SAMD5: variants seen among roughly 807,000 people sequenced by gnomAD.
SAMD5 encodes sterile alpha motif domain-containing protein 5.
SAMD5 carries 13 observed loss-of-function variants against 11.3 expected under a neutral mutation model. The ratio of observed to expected loss-of-function variants is 1.15; its 90% CI spans 0.75 to 1.83. SAMD5 has a LOEUF of 1.83. SAMD5 is among the 40% of genes most tolerant of loss of function. The pLI is 0.00. For synonymous variants in SAMD5, 129 were observed against 111.3 expected, an observed-to-expected ratio of 1.16 and a Z score of -1.00; for missense variants, 255 against 239.1, an observed-to-expected ratio of 1.07 and a Z score of -0.44.
At chr6:147,899,189 A>AAAAAAAAAAAAAAAAAAG in the SAMD5 span, among the ~76,000 whole-genome samples, 137 of 123,372 alleles carry the variant, frequency 1.1e-3, 11 homozygotes, top group African/African-American at 4.7e-3. Flanking sequence ...AAAAAAAAAA[A>AAAAAAAAAAAAAAAAAAG]AAAAGATAAC....
At chr6:147,900,553 T>C in the SAMD5 span, among the ~76,000 whole-genome samples, 1 of 152,206 alleles carries the variant, frequency 6.6e-6, no homozygotes, top group Non-Finnish European at 1.5e-5. Flanking sequence ...AGGAGGCTAA[T>C]GTGTGCTTGG....
At chr6:147,845,392 A>T in the SAMD5 span, among the ~76,000 whole-genome samples, 1 of 152,184 alleles carries the variant, frequency 6.6e-6, no homozygotes, top group Admixed American at 6.5e-5. Flanking sequence ...AGGAAAATTG[A>T]TAAACTGGTC....
At chr6:147,932,588 TTGTGTGTG>T in the SAMD5 span, among the ~76,000 whole-genome samples, 21,914 of 131,058 alleles carry the variant, frequency 0.17, 1,662 homozygotes, top group Admixed American at 0.2. Flanking sequence ...TCTTACAGAA[TTGTGTGTG>T]TGTGTGTGTG....
At chr6:147,804,141 G>A in the SAMD5 span, among the ~76,000 whole-genome samples, 1 of 130,404 alleles carries the variant, frequency 7.7e-6, no homozygotes, top group South Asian at 2.4e-4. Flanking sequence ...ATACAGTCTT[G>A]CTGTCGGCCA....
intron 1 of SAMD5, among the ~76,000 whole-genome samples, chr6:147,676,803 T>C (rs1790869131): frequency 1.5e-5 from 2 of 130,554 alleles, no homozygotes; most frequent in African/African-American, 6.0e-5. Flanking sequence ...GCAAAGCACA[T>C]GTCTAAGGAG....
At chr6:147,542,524 G>C (rs543907929) in intron 1 of SAMD5, among the ~76,000 whole-genome samples, 11 of 152,266 alleles carry the variant, frequency 7.2e-5, no homozygotes, top group African/African-American at 2.2e-4. Flanking sequence ...CTTGGTGGGT[G>C]GGGGGAAGCC....
chr6:147,922,355 C>T, the SAMD5 span, among the ~76,000 whole-genome samples: 5 of 152,256 alleles, frequency 3.3e-5, no homozygotes, highest in African/African-American at 9.6e-5. Context: ...CAGTTAAAAG[C>T]ATTTGCATGC....
At chr6:147,912,141 T>A in the SAMD5 span, among the ~76,000 whole-genome samples, 14 of 151,956 alleles carry the variant, frequency 9.2e-5, no homozygotes, top group Non-Finnish European at 1.5e-4. Context: ...TTTTTTTTTT[T>A]ATGCTGAATG....
chr6:147,538,192 T>C (rs552891521), intron 1 of SAMD5, among the ~76,000 whole-genome samples: 77 of 152,336 alleles, frequency 5.1e-4, no homozygotes, highest in African/African-American at 1.7e-3. Flanking sequence ...TGTTTTAACC[T>C]ATGGAAAAAA....
chr6:147,724,349 T>C (rs1202336861), intron 1 of SAMD5, among the ~76,000 whole-genome samples: 1 of 152,152 alleles, frequency 6.6e-6, no homozygotes, highest in Non-Finnish European at 1.5e-5. Flanking sequence ...AGCTCAGAAA[T>C]TAAATGGCAG....
chr6:147,850,086 T>C, the SAMD5 span, among the ~76,000 whole-genome samples: 3 of 152,222 alleles, frequency 2.0e-5, no homozygotes, highest in Non-Finnish European at 4.4e-5. Context: ...CATTCCTTTA[T>C]TTTTATATAA....
Position 147,711,553 on chromosome 6 carries a change from C to G in SAMD5, c.163-25764C>G, listed in dbSNP as rs879687407. Among the ~76,000 whole-genome samples the G allele has an allele frequency of 6.6e-6, 1 of 152,134 alleles. No homozygotes were observed. Among genetic ancestry groups the G allele is most frequent in the Non-Finnish European group, 1.5e-5 (1 of 68,030 alleles). ...TTTTGTTAATCACTATAAACGGTGG[C>G]TGTAGCAGAGCTGATTCATTTAATT... On this transcript the variant is annotated intron_variant, in intron 1 of 1. Transcript: ENST00000566741. This position sits in a 1 kb window ranked among gnomAD's most constrained non-coding sequence, Gnocchi z 4.1.
chr6:147,704,556 G>GA (rs201402576), intron 1 of SAMD5, among the ~76,000 whole-genome samples: 10 of 150,466 alleles, frequency 6.6e-5, no homozygotes, highest in East Asian at 3.9e-4. Context: ...ATGCAAATCA[G>GA]AAAAAAAAAG....
At chr6:147,705,358 C>T (rs1456051179) in intron 1 of SAMD5, among the ~76,000 whole-genome samples, 1 of 152,070 alleles carries the variant, frequency 6.6e-6, no homozygotes, top group African/African-American at 2.4e-5. Flanking sequence ...CAACTCCTTG[C>T]TTTGATATTA....
the SAMD5 span, among the ~76,000 whole-genome samples, chr6:147,764,407 A>G: frequency 6.6e-6 from 1 of 152,192 alleles, no homozygotes; most frequent in Non-Finnish European, 1.5e-5. Flanking sequence ...AATCTTTCCC[A>G]GAATATCTCA....
chr6:147,858,651 C>A, the SAMD5 span, among the ~76,000 whole-genome samples: 1 of 152,196 alleles, frequency 6.6e-6, no homozygotes, highest in African/African-American at 2.4e-5. Flanking sequence ...AATCACCCAT[C>A]AGCTCTTCTG....
chr6:147,509,364 A>G lies in SAMD5; in HGVS notation c.436A>G (p.Ser146Gly), dbSNP rs1465831886. The G allele has an allele frequency of 2.6e-6, 4 of 1,568,494 alleles. No homozygotes were observed. Among genetic ancestry groups the G allele is most frequent in the Non-Finnish European group, 3.5e-6 (4 of 1,159,032 alleles). Residue 146 changes from serine (S) to glycine (G), a missense_variant, in exon 1 of 2, where the codon AGC becomes GGC. Physicochemically the swap from Ser to Gly is moderately conservative, Grantham distance 56 (BLOSUM62 0). Coordinates refer to ENST00000367474, the MANE Select transcript of SAMD5 (RefSeq NM_001030060.3). The part of the protein sequence containing the change: ...DKLVRDGIHL[S>G]KPPYSRKVPM... ...GCTCGTCCGTGACGGCATCCACCTG[A>G]GCAAGCCCCCGTACTCCCGCAAGGT...
At chr6:147,713,696 T>C (rs1216914907) in intron 1 of SAMD5, among the ~76,000 whole-genome samples, 1 of 152,158 alleles carries the variant, frequency 6.6e-6, no homozygotes, top group Non-Finnish European at 1.5e-5. Flanking sequence ...ACACAGAGTA[T>C]GGGGTAGAAG....
intron 1 of SAMD5, among the ~76,000 whole-genome samples, chr6:147,576,301 G>A (rs796774241): frequency 2.5e-4 from 38 of 151,778 alleles, no homozygotes; most frequent in African/African-American, 8.7e-4. Flanking sequence ...CCACCATGCC[G>A]GGCTAATTTT....
Sources: allele counts gnomAD v4.1 joint callset (sites outside exome capture counted in the v4.1 genomes callset), GRCh38; gene constraint gnomAD v4.1.1; non-coding constraint Gnocchi (gnomAD v3.1); transcripts MANE v1.5; gene names NCBI Gene and HGNC (gene_info 2026-07-23, HGNC 2026-07-21).